RBFOX1: variants seen among roughly 807,000 people sequenced by gnomAD.
RBFOX1 encodes RNA binding protein fox-1 homolog 1.
A neutral mutation model predicts 57.7 loss-of-function variants in RBFOX1; 8 were observed. That is an observed-to-expected ratio of 0.14 (90% CI 0.08 to 0.25). The LOEUF (loss-of-function observed/expected upper bound fraction) is 0.25, where lower values mean the gene tolerates loss of function less well. Ranked by LOEUF, RBFOX1 falls within the 10% of genes least tolerant of loss-of-function variation. RBFOX1 has a pLI of 1.00. For missense variants in RBFOX1, 611 were observed against 548.5 expected (o/e 1.11, Z -1.14); for synonymous variants, 326 against 222.4 (o/e 1.47, Z -4.15).
intron 2 of RBFOX1, among the ~76,000 whole-genome samples, chr16:6,378,973 T>C (rs902293602): frequency 3.3e-5 from 5 of 151,998 alleles, no homozygotes; most frequent in Admixed American, 3.3e-4. Context: ...AAAGTAGCAA[T>C]GGAGCAGGAA....
chr16:5,802,976 C>T (rs1429465143), intron 3 of RBFOX1, among the ~76,000 whole-genome samples: 4 of 152,108 alleles, frequency 2.6e-5, no homozygotes, highest in African/African-American at 9.7e-5. Context: ...GGACACAGCC[C>T]CTTGAGTTCT....
At chr16:6,893,555 C>A (rs536241607) in intron 3 of RBFOX1, among the ~76,000 whole-genome samples, 2 of 152,114 alleles carry the variant, frequency 1.3e-5, no homozygotes, top group African/African-American at 2.4e-5. Context: ...AAACCAAGTC[C>A]ATGAGCCCCA....
At chr16:7,492,363 G>A (rs1300772795) in intron 4 of RBFOX1, among the ~76,000 whole-genome samples, 1 of 152,124 alleles carries the variant, frequency 6.6e-6, no homozygotes. Context: ...ATGATGTGGT[G>A]ATTGTATTTA....
At chr16:6,280,765 A>G (rs887825952) in intron 1 of RBFOX1, among the ~76,000 whole-genome samples, 1 of 152,094 alleles carries the variant, frequency 6.6e-6, no homozygotes, top group African/African-American at 2.4e-5. Context: ...AACCAGTCAC[A>G]TCTGAAGGGC....
intron 3 of RBFOX1, among the ~76,000 whole-genome samples, chr16:5,631,160 G>A (rs553858245): frequency 8.5e-5 from 13 of 152,284 alleles, no homozygotes; most frequent in East Asian, 1.9e-4. Flanking sequence ...TGAGTATGTC[G>A]GAATTTGCTC....
At chr16:6,057,675 G>C (rs1393892328) in intron 1 of RBFOX1, among the ~76,000 whole-genome samples, 2 of 152,118 alleles carry the variant, frequency 1.3e-5, no homozygotes, top group Non-Finnish European at 2.9e-5. Context: ...TTTTGGGAGA[G>C]ATGAGAGTTT....
intron 4 of RBFOX1, among the ~76,000 whole-genome samples, chr16:7,279,725 C>T (rs1568010077): frequency 6.6e-6 from 1 of 152,214 alleles, no homozygotes; most frequent in Non-Finnish European, 1.5e-5. Flanking sequence ...TAAGCTCGCC[C>T]TGGTGTTGCC....
intron 5 of RBFOX1, among the ~76,000 whole-genome samples, chr16:7,575,484 C>G (rs978404032): frequency 6.6e-6 from 1 of 151,974 alleles, no homozygotes; most frequent in Non-Finnish European, 1.5e-5. Context: ...GTTTCACCCC[C>G]GCAGAGGGAA....
intron 1 of RBFOX1, among the ~76,000 whole-genome samples, chr16:6,217,568 G>A (rs1044026197): frequency 1.2e-4 from 19 of 152,280 alleles, no homozygotes; most frequent in African/African-American, 3.8e-4. Flanking sequence ...AAGACTGTGC[G>A]CCTCCTGTCC....
chr16:6,211,881 G>A (rs544021410), intron 1 of RBFOX1, among the ~76,000 whole-genome samples: 19 of 148,750 alleles, frequency 1.3e-4, no homozygotes, highest in South Asian at 2.1e-4. Context: ...ACAGAGTCTC[G>A]CTCTGTCACT....
chr16:7,081,508 G>C (rs1401942196), intron 4 of RBFOX1, among the ~76,000 whole-genome samples: 1 of 152,170 alleles, frequency 6.6e-6, no homozygotes, highest in African/African-American at 2.4e-5. Context: ...TAGAAAAATA[G>C]AAGCACTCAT....
rs1040036550 is a variant in RBFOX1 at position 7,475,080 on chromosome 16, A to G, written c.28-43067A>G. On this transcript the variant is annotated intron_variant, in intron 4 of 15. Transcript: ENST00000550418. ...ATCAGAGAGTCTTTGAGAGTTCAGA[A>G]GAGTTTAAAAGAGACAGATGGGTGC... Among the ~76,000 whole-genome samples, 12 of 152,154 alleles carry G rather than the reference A, an allele frequency of 7.9e-5. No individual in the cohort carries two copies. In the East Asian group the frequency reaches 2.1e-3, roughly 27 times the overall value.
intron 2 of RBFOX1, among the ~76,000 whole-genome samples, chr16:5,578,690 C>T (rs2046552395): frequency 6.6e-6 from 1 of 152,082 alleles, no homozygotes; most frequent in Non-Finnish European, 1.5e-5. Flanking sequence ...AAATGAAACT[C>T]ATCCTCAGGA....
At chr16:7,395,165 T>TA (rs1166572009) in intron 4 of RBFOX1, among the ~76,000 whole-genome samples, 9 of 152,092 alleles carry the variant, frequency 5.9e-5, no homozygotes. Flanking sequence ...GTGTGGATTT[T>TA]TTTTTTTTTT....
At chr16:6,977,754 C>G (rs1182481548) in intron 3 of RBFOX1, among the ~76,000 whole-genome samples, 2 of 151,966 alleles carry the variant, frequency 1.3e-5, no homozygotes, top group Non-Finnish European at 2.9e-5. Context: ...GGCCATTTCT[C>G]TGAAGAAAAG....
intron 2 of RBFOX1, among the ~76,000 whole-genome samples, chr16:6,565,832 C>G (rs544147450): frequency 1.8e-4 from 28 of 152,224 alleles, no homozygotes; most frequent in Non-Finnish European, 3.5e-4. Flanking sequence ...GGATTAGCAG[C>G]TATGTGAGGC....
Position 5,548,185 on chromosome 16 carries a change from A to G in RBFOX1, c.259-50717A>G, listed in dbSNP as rs1436031741. Reference sequence around the variant, plus strand: ...AAAAAAAAAAAAAAAATATATATATATATATATATATATATATATAGACAT... The same window carrying G: ...AAAAAAAAAAAAAAAATATATATATGTATATATATATATATATATAGACAT... On this transcript the variant is annotated intron_variant, in intron 2 of 2. Coordinates refer to the RBFOX1 transcript ENST00000585867. 2.0e-4 allele frequency among the ~76,000 whole-genome samples: 23 copies of G among 115,908 alleles called. No individual in the cohort carries two copies. The East Asian group carries it at 4.6e-3, about 23-fold the overall frequency. 76.0% of individuals were successfully genotyped at this position (115,908 alleles called of 152,430 possible). A position where few individuals can be genotyped will look rare whatever the true frequency, so the allele number is the denominator to read the frequency against.
At chr16:7,639,703 T>TG (rs549545417) in intron 11 of RBFOX1, among the ~76,000 whole-genome samples, 86 of 152,278 alleles carry the variant, frequency 5.6e-4, no homozygotes, top group African/African-American at 2.0e-3. Flanking sequence ...GCACTGCCAT[T>TG]GGGGTGCCTC....
intron 1 of RBFOX1, among the ~76,000 whole-genome samples, chr16:6,140,890 G>A (rs1464896948): frequency 6.6e-6 from 1 of 152,160 alleles, no homozygotes; most frequent in African/African-American, 2.4e-5. Context: ...TCTGAGTGCT[G>A]TGCAAATAAC....
Sources: gnomAD v4.1 joint callset for allele counts (sites outside exome capture counted in the v4.1 genomes callset) on GRCh38, gnomAD v4.1.1 for gene constraint, MANE v1.5 for transcripts, NCBI Gene and HGNC (gene_info 2026-07-23, HGNC 2026-07-21) for gene names.